MECR: variants seen among roughly 807,000 people sequenced by gnomAD.
The protein encoded by MECR is enoyl-[acyl-carrier-protein] reductase, mitochondrial.
MECR carries 37 observed loss-of-function variants against 49.1 expected under a neutral mutation model. The observed-to-expected ratio is 0.75, with a 90% CI of 0.58 to 0.99. The LOEUF (loss-of-function observed/expected upper bound fraction) is 0.99. Ranked by LOEUF, MECR falls within the 50% of genes least tolerant of loss-of-function variation. The pLI is 0.00. For synonymous variants in MECR, 198 were observed against 191.1 expected, an observed-to-expected ratio of 1.04 and a Z score of -0.30; for missense variants, 470 against 479.6, an observed-to-expected ratio of 0.98 and a Z score of 0.19.
At chr1:29,223,370 T>G (rs1681252351) in intron 1 of MECR, 1 of 821,756 alleles carries the variant, frequency 1.2e-6, no homozygotes, top group Non-Finnish European at 1.5e-6. Context: ...TTATACTTGC[T>G]GTGTAAGGTG....
the MECR span, among the ~76,000 whole-genome samples, chr1:29,179,145 A>G: frequency 6.6e-6 from 1 of 152,236 alleles, no homozygotes; most frequent in Non-Finnish European, 1.5e-5. Context: ...GAGCCTTTGA[A>G]TTCCTACTCA....
intron 1 of MECR, among the ~76,000 whole-genome samples, chr1:29,217,762 G>A (rs191010527): frequency 3.2e-4 from 48 of 152,270 alleles, no homozygotes; most frequent in African/African-American, 8.7e-4. Flanking sequence ...TTTATTCTTG[G>A]TCCTAACATA....
Position 29,201,366 on chromosome 1 carries a change from T to A in MECR, c.756+577A>T, listed in dbSNP as rs1316705672. ...CAGTGAAAAGGGGCTGAGGGTCTGG[T>A]CACTTACTAGGCATGTTGTGGGGTG... On this transcript the variant is annotated intron_variant, in intron 6 of 9. Coordinates refer to ENST00000263702, the MANE Select transcript of MECR (RefSeq NM_016011.5). The surrounding 1 kb of genome is among the most constrained non-coding windows in gnomAD (Gnocchi z 4.3). 1.9e-6 allele frequency: 1 copy of A among 531,892 alleles called. No individual in the cohort carries two copies. Among genetic ancestry groups the A allele is most frequent in the East Asian group, 5.4e-5 (1 of 18,358 alleles). 32.9% of individuals were successfully genotyped at this position (531,892 alleles called of 1,614,324 possible).
At chr1:29,195,674 TTC>T (rs781099454) in intron 9 of MECR, among the ~76,000 whole-genome samples, 23 of 152,166 alleles carry the variant, frequency 1.5e-4, no homozygotes, top group Non-Finnish European at 3.4e-4. Flanking sequence ...CCAGAGTCTA[TTC>T]TCTCTGTTTG....
At position 29,193,112 on chromosome 1, in the gene MECR, T is replaced by C. The variant is rs967987214; in HGVS notation, c.*910A>G. 1 of 181,428 alleles carries C rather than the reference T, an allele frequency of 5.5e-6. No homozygotes were observed. Among genetic ancestry groups the C allele is most frequent in the African/African-American group, 2.4e-5 (1 of 41,518 alleles). The allele number at this position is 181,428 out of a possible 1,614,324, so 11.2% of individuals were successfully genotyped here. A position where few individuals can be genotyped will look rare whatever the true frequency, so the allele number is the denominator to read the frequency against. Reference sequence around the variant, plus strand: ...GGTGCACAGCACCATACCTGGCTAATGTTTGTATTTTTTGTAGAGATGGTG... The same window carrying C: ...GGTGCACAGCACCATACCTGGCTAACGTTTGTATTTTTTGTAGAGATGGTG... On this transcript the variant is annotated 3_prime_UTR_variant, in exon 10 of 10. Coordinates refer to ENST00000263702, the MANE Select transcript of MECR (RefSeq NM_016011.5).
At chr1:29,222,001 C>G (rs1234535700) in intron 1 of MECR, among the ~76,000 whole-genome samples, 3 of 152,198 alleles carry the variant, frequency 2.0e-5, no homozygotes, top group Non-Finnish European at 4.4e-5. Context: ...GAGTCTTGAT[C>G]TTAAGCTAGA....
chr1:29,229,722 A>G lies in MECR; in HGVS notation c.176+1009T>C, dbSNP rs187335412. Among the ~76,000 whole-genome samples, 12 of 152,366 alleles carry G rather than the reference A, an allele frequency of 7.9e-5. No homozygotes were observed. In the East Asian group the frequency reaches 2.1e-3, roughly 27 times the overall value. On this transcript the variant is annotated intron_variant, in intron 1 of 9. Coordinates refer to ENST00000263702, the MANE Select transcript of MECR (RefSeq NM_016011.5). ...TTAAGATGATGAAACCGAGGCTCAGAGAACCTCAGTAACTTGCCAAATGCA... is the reference window on the plus strand; with the variant it reads ...TTAAGATGATGAAACCGAGGCTCAGGGAACCTCAGTAACTTGCCAAATGCA...
rs996578857 is a variant in MECR at position 29,230,629 on chromosome 1, C to T, written c.176+102G>A. The stretch of plus-strand genomic sequence containing the variant: ...TTCGGCTTCGGTTTGCTATTCTCTG[C>T]CCCCTTCCTCGGACCCTGTCCCTCT... On this transcript the variant is annotated intron_variant, in intron 1 of 9. Coordinates refer to ENST00000263702, the MANE Select transcript of MECR (RefSeq NM_016011.5). 1.5e-5 allele frequency: 22 copies of T among 1,421,490 alleles called. No homozygotes were observed. The East Asian group carries it at 2.0e-4, about 13-fold the overall frequency. 88.1% of individuals were successfully genotyped at this position (1,421,490 alleles called of 1,614,324 possible). A position where few individuals can be genotyped will look rare whatever the true frequency, so the allele number is the denominator to read the frequency against.
downstream of MECR, among the ~76,000 whole-genome samples, chr1:29,190,123 C>A (rs1199720811): frequency 6.6e-6 from 1 of 152,098 alleles, no homozygotes; most frequent in Non-Finnish European, 1.5e-5. Context: ...GCCTGTAATC[C>A]CAGCACTTTG....
Position 29,206,918 on chromosome 1 carries a change from A to G in MECR, c.407-13T>C, listed in dbSNP as rs1422234701. 6.2e-7 allele frequency: 1 copy of G among 1,613,982 alleles called. No homozygotes were observed. The highest frequency in any genetic ancestry group is 1.1e-5 in the South Asian group (1 of 91,072). ...GTCCGCCAGGTTCCTGAGTCAGAAG[A>G]TGAAGCCAGGATCATAAGGAAGGAG... On this transcript the variant is annotated splice_polypyrimidine_tract_variant and intron_variant, in intron 3 of 9. Transcript: ENST00000263702.
chr1:29,177,275 C>G, the MECR span, among the ~76,000 whole-genome samples: 1 of 147,904 alleles, frequency 6.8e-6, no homozygotes, highest in East Asian at 1.9e-4. Flanking sequence ...CCTACAGTAA[C>G]TCTTTTTGTT....
At chr1:29,178,371 A>T in the MECR span, among the ~76,000 whole-genome samples, 1 of 13,984 alleles carries the variant, frequency 7.2e-5, no homozygotes, top group Admixed American at 5.0e-4. Context: ...TTTGAGACAG[A>T]GTCTCGCTGT....
intron 3 of MECR, among the ~76,000 whole-genome samples, chr1:29,207,263 G>T (rs556749767): frequency 6.6e-6 from 1 of 152,132 alleles, no homozygotes; most frequent in African/African-American, 2.4e-5. Flanking sequence ...GGGATTACAG[G>T]CATGCACTAC....
the MECR span, among the ~76,000 whole-genome samples, chr1:29,187,343 G>C: frequency 6.6e-6 from 1 of 151,892 alleles, no homozygotes; most frequent in Non-Finnish European, 1.5e-5. Context: ...CTCCCGAGTA[G>C]CTGGGACTAC....
chr1:29,203,250 A>G lies in MECR; in HGVS notation c.551-17T>C. 1 of 1,554,190 alleles carries G rather than the reference A, an allele frequency of 6.4e-7. No homozygotes were observed. Among genetic ancestry groups the G allele is most frequent in the African/African-American group, 1.4e-5 (1 of 73,496 alleles). The stretch of plus-strand genomic sequence containing the variant: ...CAGAATCCCCTGTGGAGCCAGGAAG[A>G]GAACCAAATCAAGCCCTGTATAGAT... On this transcript the variant is annotated splice_polypyrimidine_tract_variant and intron_variant, in intron 4 of 9. Coordinates refer to ENST00000263702, the MANE Select transcript of MECR (RefSeq NM_016011.5).
the MECR span, among the ~76,000 whole-genome samples, chr1:29,176,428 C>T: frequency 1.3e-5 from 2 of 149,802 alleles, no homozygotes; most frequent in East Asian, 1.9e-4. Context: ...ATTAAGAATA[C>T]GGTAACGATG....
intron 4 of MECR, 53 bp from the exon 5 acceptor site, chr1:29,203,286 T>C (rs1675782740): frequency 3.6e-6 from 5 of 1,398,118 alleles, no homozygotes; most frequent in Non-Finnish European, 4.9e-6. Context: ...CTGCAATAGG[T>C]CAAAGGCTCC....
chr1:29,196,056 C>T, intron 8 of MECR, 43 bp from the exon 9 acceptor site: 1 of 1,608,548 alleles, frequency 6.2e-7, no homozygotes, highest in Non-Finnish European at 8.5e-7. Flanking sequence ...AGGGCAAGAA[C>T]TTCAGGTACC....
chr1:29,201,242 T>TG lies in MECR; in HGVS notation c.757-654_757-653insC. 1 of 358,918 alleles carries TG rather than the reference T, an allele frequency of 2.8e-6. No homozygotes were observed. The highest frequency in any genetic ancestry group is 5.7e-6 in the Non-Finnish European group (1 of 175,840). 22.2% of individuals were successfully genotyped at this position (358,918 alleles called of 1,614,324 possible). ...CCTGTGTGCCCCCCTTTTCAGTTCT[T>TG]TGACTCAGCTGATATTATATATGCT... On this transcript the variant is annotated intron_variant, in intron 6 of 9. Transcript: ENST00000263702. This position sits in a 1 kb window ranked among gnomAD's most constrained non-coding sequence, Gnocchi z 4.3.
Sources: gnomAD v4.1 joint callset for allele counts (sites outside exome capture counted in the v4.1 genomes callset) on GRCh38, gnomAD v4.1.1 for gene constraint, Gnocchi (gnomAD v3.1) non-coding constraint, MANE v1.5 for transcripts, NCBI Gene and HGNC (gene_info 2026-07-23, HGNC 2026-07-21) for gene names.